METTL15: variants seen among roughly 807,000 people sequenced by gnomAD.
The protein encoded by METTL15 is 12S rRNA N(4)-cytidine methyltransferase METTL15.
Under a neutral mutation model 38.3 loss-of-function variants are expected in METTL15, and 34 were observed. The observed-to-expected ratio is 0.89, with a 90% CI of 0.68 to 1.18. The LOEUF (loss-of-function observed/expected upper bound fraction) is 1.18. METTL15 is among the 50% of genes most tolerant of loss of function. METTL15 has a pLI of 0.00. For synonymous variants in METTL15, 162 were observed against 170.9 expected (o/e 0.95, Z 0.41); for missense variants, 438 against 498.4 (o/e 0.88, Z 1.15).
At chr11:28,288,935 G>T (rs1006966064) in intron 4 of METTL15, among the ~76,000 whole-genome samples, 3 of 152,060 alleles carry the variant, frequency 2.0e-5, no homozygotes, top group Non-Finnish European at 4.4e-5. Context: ...CTCACCAATG[G>T]TATATACAGG....
intron 4 of METTL15, among the ~76,000 whole-genome samples, chr11:28,274,788 A>G (rs1011632735): frequency 6.6e-6 from 1 of 151,894 alleles, no homozygotes. Flanking sequence ...CCATCCATCA[A>G]TGGATACTAG....
chr11:28,442,923 G>A (rs1314753214), intron 6 of METTL15, among the ~76,000 whole-genome samples: 2 of 152,246 alleles, frequency 1.3e-5, no homozygotes, highest in East Asian at 3.9e-4. Context: ...ATTGGAGAAT[G>A]CAGAAATATG....
intron 6 of METTL15, among the ~76,000 whole-genome samples, chr11:28,496,435 A>T (rs1418023346): frequency 6.6e-6 from 1 of 152,214 alleles, no homozygotes; most frequent in Non-Finnish European, 1.5e-5. Flanking sequence ...GACACAGACA[A>T]ACCATATCAA....
intron 6 of METTL15, among the ~76,000 whole-genome samples, chr11:28,495,926 C>G (rs1490557669): frequency 6.6e-6 from 1 of 152,106 alleles, no homozygotes; most frequent in African/African-American, 2.4e-5. Context: ...TCCTTTGGAC[C>G]CTGCTTGTCT....
chr11:28,288,451 G>A (rs910691930), intron 4 of METTL15, among the ~76,000 whole-genome samples: 1 of 152,058 alleles, frequency 6.6e-6, no homozygotes, highest in Non-Finnish European at 1.5e-5. Context: ...AAGAAATGTG[G>A]TACATATACA....
intron 4 of METTL15, among the ~76,000 whole-genome samples, chr11:28,352,725 C>CA (rs1355114510): frequency 1.3e-5 from 2 of 152,062 alleles, no homozygotes; most frequent in Admixed American, 6.6e-5. Flanking sequence ...ACCCCACCCC[C>CA]AAGGGTCATG....
intron 4 of METTL15, among the ~76,000 whole-genome samples, chr11:28,218,470 G>A (rs902462676): frequency 6.6e-6 from 1 of 152,080 alleles, no homozygotes; most frequent in African/African-American, 2.4e-5. Context: ...TGAGACGATG[G>A]GGTTTTCTAG....
At chr11:28,144,960 C>T (rs1037726311) in intron 3 of METTL15, 1 of 207,188 alleles carries the variant, frequency 4.8e-6, no homozygotes, top group Non-Finnish European at 1.0e-5. Flanking sequence ...ACATTTACAC[C>T]TCAGTGGCCA....
At chr11:28,338,322 T>C (rs1421854779), downstream of METTL15, among the ~76,000 whole-genome samples, 1 of 152,148 alleles carries the variant, frequency 6.6e-6, no homozygotes, top group Non-Finnish European at 1.5e-5. Context: ...TTTTTAAATT[T>C]ATTCTAGGGT....
intron 3 of METTL15, among the ~76,000 whole-genome samples, chr11:28,175,361 G>A (rs900420518): frequency 2.0e-5 from 3 of 152,056 alleles, no homozygotes; most frequent in African/African-American, 4.8e-5. Context: ...TGGACATTTG[G>A]GTTGGTTCCA....
intron 6 of METTL15, among the ~76,000 whole-genome samples, chr11:28,318,880 T>A (rs1238482490): frequency 1.3e-5 from 2 of 152,192 alleles, no homozygotes; most frequent in East Asian, 3.8e-4. Context: ...ATGGCAGCAG[T>A]AGCAACTGAT....
intron 6 of METTL15, among the ~76,000 whole-genome samples, chr11:28,435,333 A>G (rs370135764): frequency 6.6e-6 from 1 of 152,216 alleles, no homozygotes; most frequent in African/African-American, 2.4e-5. Flanking sequence ...AATAACCTAT[A>G]TAAGTATTCT....
chr11:28,346,516 C>T (rs1849997443), intron 3 of METTL15, among the ~76,000 whole-genome samples: 1 of 152,018 alleles, frequency 6.6e-6, no homozygotes, highest in African/African-American at 2.4e-5. Context: ...CTAGAAAGAC[C>T]ATTTCCTTTC....
rs781462589 is a variant in METTL15, at chr11:28,177,793, A to G, written c.271-33269A>G. Among the ~76,000 whole-genome samples, 85 of 151,920 alleles carry G rather than the reference A, an allele frequency of 5.6e-4. 1 individual carries two copies. The highest frequency in any genetic ancestry group is 1.1e-3 in the Non-Finnish European group (75 of 67,880). On this transcript the variant is annotated intron_variant, in intron 3 of 6. Transcript: ENST00000407364. ...GTTTTTTTGGGTCCTTAGCAGGAGC[A>G]TTTAATGTGAAATCCTGAAGAGAGG...
chr11:28,199,005 A>G (rs1852009163), intron 3 of METTL15, among the ~76,000 whole-genome samples: 1 of 151,682 alleles, frequency 6.6e-6, no homozygotes, highest in South Asian at 2.1e-4. Context: ...TTAATGTCCA[A>G]ATAAACTTGT....
intron 5 of METTL15, among the ~76,000 whole-genome samples, chr11:28,412,669 T>G (rs1386644062): frequency 6.6e-6 from 1 of 151,900 alleles, no homozygotes; most frequent in Non-Finnish European, 1.5e-5. Context: ...TTCACTGATA[T>G]GTGGAATATA....
chr11:28,356,974 G>A (rs975380850), intron 4 of METTL15, among the ~76,000 whole-genome samples: 5 of 152,150 alleles, frequency 3.3e-5, no homozygotes, highest in African/African-American at 4.8e-5. Context: ...CGAGGAGACT[G>A]GGCACAGTTA....
At chr11:28,161,250 GT>G (rs1850453292) in intron 3 of METTL15, among the ~76,000 whole-genome samples, 8 of 151,846 alleles carry the variant, frequency 5.3e-5, no homozygotes, top group African/African-American at 1.9e-4. Flanking sequence ...AGCCTCCCAA[GT>G]AGCTGGGATT....
intron 3 of METTL15, among the ~76,000 whole-genome samples, chr11:28,196,100 A>G (rs1319965549): frequency 6.6e-6 from 1 of 151,960 alleles, no homozygotes; most frequent in Admixed American, 6.6e-5. Context: ...TTTGGTTACT[A>G]TAGCCTTATA....
Sources: allele counts gnomAD v4.1 joint callset (sites outside exome capture counted in the v4.1 genomes callset), GRCh38; gene constraint gnomAD v4.1.1; transcripts MANE v1.5; gene names NCBI Gene and HGNC (gene_info 2026-07-23, HGNC 2026-07-21).